MTPAP: variants seen among roughly 807,000 people sequenced by gnomAD.
MTPAP encodes the protein poly(A) RNA polymerase, mitochondrial.
MTPAP carries 23 observed loss-of-function variants against 48.7 expected under a neutral mutation model. The observed-to-expected ratio is 0.47, with a 90% CI of 0.34 to 0.67. The LOEUF is 0.67. Ranked by LOEUF, MTPAP falls within the 30% of genes least tolerant of loss-of-function variation. The pLI is 0.01. For missense variants in MTPAP, 614 were observed against 694.3 expected, an observed-to-expected ratio of 0.88 and a Z score of 1.30; for synonymous variants, 257 against 254.1, an observed-to-expected ratio of 1.01 and a Z score of -0.11.
In MTPAP at chr10:30,313,021, C is replaced by T. The variant is rs1218006540; in HGVS notation, c.*588G>A. The T allele has an allele frequency of 3.3e-5, 5 of 153,814 alleles. No individual in the cohort carries two copies. Among genetic ancestry groups the T allele is most frequent in the Admixed American group, 1.9e-4 (3 of 15,604 alleles). The allele number at this position is 153,814 out of a possible 1,614,324, so 9.5% of individuals were successfully genotyped here. A position where few individuals can be genotyped will look rare whatever the true frequency, so the allele number is the denominator to read the frequency against. On this transcript the variant is annotated 3_prime_UTR_variant, in exon 9 of 9. Coordinates refer to ENST00000263063, the MANE Select transcript of MTPAP (RefSeq NM_018109.4). ...AATTTATATGTGAATAAGAGAACTT[C>T]GCTTGAAAAATACAAATATACATAT...
chr10:30,320,447 G>A (rs371019965), intron 6 of MTPAP, among the ~76,000 whole-genome samples: 13 of 152,204 alleles, frequency 8.5e-5, no homozygotes, highest in Non-Finnish European at 1.5e-4. Context: ...ACGTGAGCCC[G>A]GGAGGTCGAG....
chr10:30,332,456 G>A (rs939391230), intron 4 of MTPAP, among the ~76,000 whole-genome samples: 1 of 151,974 alleles, frequency 6.6e-6, no homozygotes, highest in African/African-American at 2.4e-5. Context: ...ACCACGCCCA[G>A]CTAATTTTTG....
intron 5 of MTPAP, among the ~76,000 whole-genome samples, chr10:30,324,903 T>C (rs1054595664): frequency 6.6e-6 from 1 of 151,950 alleles, no homozygotes; most frequent in Middle Eastern, 3.2e-3. Flanking sequence ...GGAGAATTGA[T>C]TGAAGCCAGG....
chr10:30,319,612 GA>G (rs201374422), intron 6 of MTPAP, among the ~76,000 whole-genome samples: 1 of 151,410 alleles, frequency 6.6e-6, no homozygotes, highest in East Asian at 1.9e-4. Context: ...ATTTTGGAGG[GA>G]AAAAAAAGGA....
chr10:30,331,322 A>G lies in MTPAP; in HGVS notation c.781-4687T>C, dbSNP rs139152782. Reference sequence around the variant, plus strand: ...AGAAGTTAAGCACACTGTCCACAGCAATCATTCAGATAACAGAAAGCAGTA... The same window carrying G: ...AGAAGTTAAGCACACTGTCCACAGCGATCATTCAGATAACAGAAAGCAGTA... On this transcript the variant is annotated intron_variant, in intron 4 of 8. Transcript: ENST00000263063. Among the ~76,000 whole-genome samples the G allele has an allele frequency of 4.2e-3, 644 of 152,340 alleles. 3 individuals are homozygous for G. Among genetic ancestry groups the G allele is most frequent in the African/African-American group, 0.015 (626 of 41,574 alleles).
At chr10:30,327,493 C>A (rs1834611432) in intron 4 of MTPAP, among the ~76,000 whole-genome samples, 1 of 135,872 alleles carries the variant, frequency 7.4e-6, no homozygotes. Context: ...AGCGAGACTC[C>A]ATTTCAAAAT....
intron 4 of MTPAP, among the ~76,000 whole-genome samples, chr10:30,329,209 C>T (rs575299426): frequency 6.6e-6 from 1 of 151,896 alleles, no homozygotes; most frequent in African/African-American, 2.4e-5. Flanking sequence ...GATTGTGCCC[C>T]TGCACTCCAG....
At chr10:30,341,677 A>C in intron 1 of MTPAP, 37 bp from the exon 2 acceptor site, 2 of 1,610,582 alleles carry the variant, frequency 1.2e-6, no homozygotes. Context: ...CCACACGCAC[A>C]CACACAAAAT....
Position 30,320,407 on chromosome 10 carries a change from C to T in MTPAP, c.1219+1984G>A, listed in dbSNP as rs543561536. Among the ~76,000 whole-genome samples the T allele has an allele frequency of 9.2e-5, 14 of 152,168 alleles. No homozygotes were observed. In the South Asian group the frequency reaches 2.5e-3, roughly 27 times the overall value. ...AGGTATGGTGGTGCATGCCTATAGT[C>T]CCAGCTATTCAGGAGGCTGAAGTGA... On this transcript the variant is annotated intron_variant, in intron 6 of 8. Transcript: ENST00000263063.
intron 6 of MTPAP, 47 bp from the exon 7 acceptor site, chr10:30,316,257 G>A: frequency 7.2e-7 from 1 of 1,382,372 alleles, no homozygotes; most frequent in Non-Finnish European, 1.0e-6. Flanking sequence ...TTTTTTCTTT[G>A]CCTGAGATGG....
intron 5 of MTPAP, among the ~76,000 whole-genome samples, chr10:30,323,451 C>CAAAA (rs755342499): frequency 4.0e-4 from 34 of 84,460 alleles, no homozygotes; most frequent in South Asian, 5.1e-4. Flanking sequence ...GACCCTGCCT[C>CAAAA]AAAAAAAAAA....
intron 3 of MTPAP, chr10:30,339,837 T>C (rs1037902932): frequency 9.0e-6 from 2 of 221,706 alleles, no homozygotes; most frequent in Non-Finnish European, 1.8e-5. Flanking sequence ...ATTCTGTGAA[T>C]GCAAGAATGA....
intron 3 of MTPAP, among the ~76,000 whole-genome samples, chr10:30,338,115 C>T (rs1834750379): frequency 6.6e-6 from 1 of 150,714 alleles, no homozygotes; most frequent in African/African-American, 2.4e-5. Context: ...AATACAAAAA[C>T]TAGCTGGGCA....
At chr10:30,336,101 T>C (rs1834727817) in intron 4 of MTPAP, among the ~76,000 whole-genome samples, 1 of 152,100 alleles carries the variant, frequency 6.6e-6, no homozygotes, top group African/African-American at 2.4e-5. Context: ...CCAAGAATTA[T>C]CAGCAGTAAC....
At chr10:30,346,109 T>C (rs1236788814) in intron 1 of MTPAP, among the ~76,000 whole-genome samples, 2 of 150,838 alleles carry the variant, frequency 1.3e-5, no homozygotes, top group Admixed American at 6.6e-5. Flanking sequence ...TAAAGATGCA[T>C]GCACGTAATG....
Position 30,313,537 on chromosome 10 carries a change from A to G in MTPAP, c.*72T>C. ...AAGCTGAGATCTGTGAAAGTTTCAA[A>G]TCAGTTTTTCCAAGTAAGTCCACAG... On this transcript the variant is annotated 3_prime_UTR_variant, in exon 9 of 9. Transcript: ENST00000263063. 6.3e-7 allele frequency: 1 copy of G among 1,587,298 alleles called. No individual in the cohort carries two copies. The highest frequency in any genetic ancestry group is 8.6e-7 in the Non-Finnish European group (1 of 1,159,070).
intron 5 of MTPAP, among the ~76,000 whole-genome samples, chr10:30,325,458 T>C (rs1834574191): frequency 6.6e-6 from 1 of 152,170 alleles, no homozygotes. Context: ...AAATTTTCCC[T>C]ACTGTGGGCC....
chr10:30,336,885 G>A lies in MTPAP; in HGVS notation c.698C>T (p.Ser233Leu). 10 of 1,613,062 alleles carry A rather than the reference G, an allele frequency of 6.2e-6. No individual in the cohort carries two copies. The highest frequency in any genetic ancestry group is 8.5e-6 in the Non-Finnish European group (10 of 1,180,000). Residue 233 changes from serine (S) to leucine (L), a missense_variant, in exon 4 of 9, where the codon TCA becomes TTA. Physicochemically the swap from Ser to Leu is moderately radical, Grantham distance 145. This residue lies in a region of MTPAP where 261 missense variants were observed against 355.4 expected (regional missense o/e 0.73). Coordinates refer to ENST00000263063, the MANE Select transcript of MTPAP (RefSeq NM_018109.4). The part of the protein sequence containing the change: ...PDCIVRPFGS[S>L]VNTFGKLGCD... ...TCCTAACTTCCCAAAAGTGTTGACT[G>A]AGGAGCCAAAGGGTCTGACTATGCA... is the stretch of plus-strand genomic sequence containing the variant.
At chr10:30,323,638 T>C (rs1429307791) in intron 5 of MTPAP, among the ~76,000 whole-genome samples, 1 of 151,968 alleles carries the variant, frequency 6.6e-6, no homozygotes, top group African/African-American at 2.4e-5. Flanking sequence ...GCCTCCCAAG[T>C]AGCTGGGACT....
Sources: gnomAD v4.1 joint callset for allele counts (sites outside exome capture counted in the v4.1 genomes callset) on GRCh38, gnomAD v4.1.1 for gene constraint, gnomAD v4.1.1 regional missense constraint, MANE v1.5 for transcripts, NCBI Gene and HGNC (gene_info 2026-07-23, HGNC 2026-07-21) for gene names.